ZNF875: variants seen among roughly 807,000 people sequenced by gnomAD.
The protein encoded by ZNF875 is zinc finger protein 875.
A neutral mutation model predicts 11.2 loss-of-function variants in ZNF875; 14 were observed. That is an observed-to-expected ratio of 1.26 (90% CI 0.83 to 1.96). ZNF875 has a LOEUF of 1.96. Ranked by LOEUF, ZNF875 falls within the 30% of genes most tolerant of loss-of-function variation. ZNF875 has a pLI of 0.00. For synonymous variants in ZNF875, 301 were observed against 281.1 expected, an observed-to-expected ratio of 1.07 and a Z score of -0.71; for missense variants, 752 against 760.4, an observed-to-expected ratio of 0.99 and a Z score of 0.13.
rs1368563753 is a variant in ZNF875, at chr19:37,334,714, CT to C, written c.-122del. The C allele has an allele frequency of 4.4e-6, 2 of 456,104 alleles. No individual in the cohort carries two copies. The highest frequency in any genetic ancestry group is 4.4e-6 in the Non-Finnish European group (1 of 226,816). 28.3% of individuals were successfully genotyped at this position (456,104 alleles called of 1,614,324 possible). ...CCCGGGAAGGCCTCCCTCTTAAGGT[CT>C]TTCCCACACCTCTGCACCTTGTTAC... On this transcript the variant is annotated 5_prime_UTR_variant, in exon 1 of 5. Coordinates refer to ENST00000392153, the MANE Select transcript of ZNF875 (RefSeq NM_001353803.2).
chr19:37,315,783 G>A (rs921285426), upstream of ZNF875, among the ~76,000 whole-genome samples: 4 of 151,904 alleles, frequency 2.6e-5, no homozygotes, highest in Non-Finnish European at 5.9e-5. Flanking sequence ...CGGTATGTGT[G>A]GGACTGCACC....
chr19:37,345,616 G>A (rs1008166639), intron 2 of ZNF875, among the ~76,000 whole-genome samples: 1 of 152,198 alleles, frequency 6.6e-6, no homozygotes, highest in Non-Finnish European at 1.5e-5. Flanking sequence ...ATGAGTCACC[G>A]TCAGCCAACT....
At chr19:37,334,467 G>C (rs983323917), upstream of ZNF875, among the ~76,000 whole-genome samples, 6 of 152,204 alleles carry the variant, frequency 3.9e-5, no homozygotes, top group African/African-American at 1.4e-4. Flanking sequence ...ACGTCACTTG[G>C]GCATCTTAAG....
upstream of ZNF875, among the ~76,000 whole-genome samples, chr19:37,313,623 A>G (rs189591072): frequency 2.1e-3 from 313 of 152,184 alleles, no homozygotes; most frequent in African/African-American, 6.7e-3. Context: ...CTGTCACCCC[A>G]GGGACCTCAG....
chr19:37,352,440 C>T (rs1159954589), intron 4 of ZNF875, among the ~76,000 whole-genome samples: 3 of 152,190 alleles, frequency 2.0e-5, no homozygotes, highest in Non-Finnish European at 2.9e-5. Context: ...GACAGGATTT[C>T]ACCATGTTGG....
In ZNF875 at chr19:37,344,822, T is replaced by C. The variant is rs767212237; in HGVS notation, c.34-2368T>C. On this transcript the variant is annotated intron_variant, in intron 2 of 4. Coordinates refer to ENST00000392153, the MANE Select transcript of ZNF875 (RefSeq NM_001353803.2). ...AACACTAATTGCTCTGTGATGTAGCTCCTTCGTGGGAGATTTTCAAGGGGT... is the reference window on the plus strand; with the variant it reads ...AACACTAATTGCTCTGTGATGTAGCCCCTTCGTGGGAGATTTTCAAGGGGT... 5 of 1,173,786 alleles carry C rather than the reference T, an allele frequency of 4.3e-6. No homozygotes were observed. In the South Asian group the frequency reaches 6.1e-5, roughly 14 times the overall value. 72.7% of individuals were successfully genotyped at this position (1,173,786 alleles called of 1,614,324 possible). A position where few individuals can be genotyped will look rare whatever the true frequency, so the allele number is the denominator to read the frequency against.
intron 4 of ZNF875, among the ~76,000 whole-genome samples, chr19:37,327,117 C>G (rs1022072326): frequency 1.9e-4 from 29 of 151,858 alleles, no homozygotes; most frequent in Non-Finnish European, 3.7e-4. Flanking sequence ...CTCAGCCTCT[C>G]GAGTAGCTGG....
At chr19:37,339,542 C>A (rs1314128353) in intron 2 of ZNF875, among the ~76,000 whole-genome samples, 1 of 129,720 alleles carries the variant, frequency 7.7e-6, no homozygotes, top group Non-Finnish European at 1.6e-5. Flanking sequence ...TGAACCCTGC[C>A]AGTTTTTTTT....
At chr19:37,328,385 C>T (rs2032862290) in intron 4 of ZNF875, among the ~76,000 whole-genome samples, 1 of 152,088 alleles carries the variant, frequency 6.6e-6, no homozygotes, top group Admixed American at 6.5e-5. Flanking sequence ...CCTAATGCAA[C>T]AGTGTTGATC....
chr19:37,320,987 A>C (rs1568560004), intron 1 of ZNF875, among the ~76,000 whole-genome samples: 3 of 152,220 alleles, frequency 2.0e-5, no homozygotes, highest in Non-Finnish European at 2.9e-5. Flanking sequence ...GCTATGCAGG[A>C]TGTGCTTTGT....
chr19:37,331,491 G>T (rs1324167831), upstream of ZNF875, among the ~76,000 whole-genome samples: 1 of 150,880 alleles, frequency 6.6e-6, no homozygotes, highest in African/African-American at 2.4e-5. Context: ...AAATTCTTCT[G>T]CCTTGAGATT....
At chr19:37,321,346 A>G (rs2031400555) in intron 1 of ZNF875, among the ~76,000 whole-genome samples, 1 of 152,196 alleles carries the variant, frequency 6.6e-6, no homozygotes, top group Non-Finnish European at 1.5e-5. Flanking sequence ...TAATGCACCA[A>G]GATTTTTATG....
chr19:37,316,756 G>C (rs1208304486), upstream of ZNF875, among the ~76,000 whole-genome samples: 1 of 151,942 alleles, frequency 6.6e-6, no homozygotes, highest in Admixed American at 6.6e-5. Context: ...TCCGCCTCCC[G>C]GGTTCAAGCG....
upstream of ZNF875, among the ~76,000 whole-genome samples, chr19:37,331,340 C>T (rs1055181845): frequency 6.7e-6 from 1 of 149,882 alleles, no homozygotes; most frequent in South Asian, 2.1e-4. Flanking sequence ...AGTGATTCTC[C>T]TGCCTCACCC....
intron 4 of ZNF875, among the ~76,000 whole-genome samples, chr19:37,325,241 G>A (rs1033462451): frequency 2.6e-5 from 4 of 152,106 alleles, no homozygotes; most frequent in African/African-American, 9.7e-5. Context: ...GTCCACACCC[G>A]AATCTCCTGG....
At chr19:37,351,090 C>T (rs968260308) in intron 4 of ZNF875, among the ~76,000 whole-genome samples, 1 of 152,096 alleles carries the variant, frequency 6.6e-6, no homozygotes, top group African/African-American at 2.4e-5. Flanking sequence ...AGGCGTGAAC[C>T]ACTTGTGCCC....
At chr19:37,317,670 CAAGA>C (rs1240372827), upstream of ZNF875, among the ~76,000 whole-genome samples, 4 of 152,204 alleles carry the variant, frequency 2.6e-5, no homozygotes, top group African/African-American at 9.6e-5. Flanking sequence ...CTGAAATGCG[CAAGA>C]AAGTTTTTGC....
chr19:37,358,136 T>A, intron 4 of ZNF875: 8 of 236,182 alleles, frequency 3.4e-5, no homozygotes, highest in East Asian at 2.4e-4. Context: ...AGATGATCTT[T>A]TTTTTTTTTT....
chr19:37,351,055 C>T lies in ZNF875; in HGVS notation c.256+3183C>T, dbSNP rs1053298747. 2.0e-5 allele frequency among the ~76,000 whole-genome samples: 3 copies of T among 152,186 alleles called. No homozygotes were observed. In the East Asian group the frequency reaches 5.8e-4, roughly 29 times the overall value. ...CTGACCTCAGGTGATCCACCCACCT[C>T]GGCCTCCCAAAGTGCTGGGATTACA... On this transcript the variant is annotated intron_variant, in intron 4 of 4. Coordinates refer to ENST00000392153, the MANE Select transcript of ZNF875 (RefSeq NM_001353803.2).
Sources: allele counts gnomAD v4.1 joint callset (sites outside exome capture counted in the v4.1 genomes callset), GRCh38; gene constraint gnomAD v4.1.1; transcripts MANE v1.5; gene names NCBI Gene and HGNC (gene_info 2026-07-23, HGNC 2026-07-21).